The following MSH6 variants were observed in gnomAD, a reference collection of about 807,000 sequenced individuals.
MSH6 encodes the protein mutS homolog 6.
In MSH6, 85 loss-of-function variants were observed where a neutral mutation model predicts 119.1. The ratio of observed to expected loss-of-function variants is 0.71; its 90% CI spans 0.60 to 0.85. The LOEUF is 0.85. MSH6 is among the 40% of genes least tolerant of loss of function. The pLI is 0.00. For synonymous variants in MSH6, 830 were observed against 586.9 expected (o/e 1.41, Z -5.99); for missense variants, 2,163 against 1,655.3 (o/e 1.31, Z -5.32).
intron 1 of MSH6, among the ~76,000 whole-genome samples, chr2:47,788,832 A>C (rs1472305301): frequency 6.7e-6 from 1 of 148,770 alleles, no homozygotes; most frequent in East Asian, 2.0e-4. Context: ...TCGTCCTCCC[A>C]AAATGCTGGG....
At chr2:47,808,098 T>C (rs1341775500), downstream of MSH6, 1 of 1,591,554 alleles carries the variant, frequency 6.3e-7, no homozygotes, top group East Asian at 2.2e-5. Flanking sequence ...ATGGCAGGAC[T>C]TTTTCTTTAG....
At chr2:47,788,246 C>CTT (rs560110301) in intron 1 of MSH6, among the ~76,000 whole-genome samples, 951 of 90,016 alleles carry the variant, frequency 0.011, 124 homozygotes, top group African/African-American at 0.038. Flanking sequence ...TTCTTTCTTT[C>CTT]TTTTTTTTTT....
chr2:47,788,074 C>T (rs1204746192), intron 1 of MSH6, among the ~76,000 whole-genome samples: 1 of 152,056 alleles, frequency 6.6e-6, no homozygotes, highest in East Asian at 1.9e-4. Flanking sequence ...ATACATTTTA[C>T]TACCTGTTTA....
At position 47,806,166 on chromosome 2, in the gene MSH6, C is replaced by T. The variant is rs370910343; in HGVS notation, c.3647-38C>T. 3.6e-5 allele frequency: 57 copies of T among 1,582,782 alleles called. 1 individual carries two copies. Among genetic ancestry groups the T allele is most frequent in the East Asian group, 2.7e-4 (12 of 44,822 alleles). On this transcript the variant is annotated intron_variant, in intron 7 of 9. Coordinates refer to ENST00000234420, the MANE Select transcript of MSH6 (RefSeq NM_000179.3). ...TTTAATTCCTTTTTTGTTTTAATTC[C>T]TTTGAGTTACTTCCTTATGCATATT...
rs1197466116 is a variant in MSH6, at chr2:47,788,254, T to C, written c.261-2673T>C. Among the ~76,000 whole-genome samples, 53 of 86,676 alleles carry C rather than the reference T, an allele frequency of 6.1e-4. 1 individual carries two copies. The highest frequency in any genetic ancestry group is 6.0e-3 in the Middle Eastern group (1 of 168). The allele number at this position is 86,676 out of a possible 152,430, so 56.9% of individuals were successfully genotyped here. ...TCTTTCATTCTTTCTTTCTTTTTTT[T>C]TTTTTTTTTTTTTTTTTTGAGATGG... On this transcript the variant is annotated intron_variant, in intron 1 of 9. Transcript: ENST00000234420.
At position 47,800,734 on chromosome 2, in the gene MSH6, C is replaced by A. The variant is rs753967199; in HGVS notation, c.2751C>A (p.Asp917Glu). ...VELNRWDTAF[D>E]HEKARKTGLI... ...TGAACCGATGGGATACAGCCTTTGA[C>A]CATGAAAAGGCTCGAAAGACTGGAC... The change falls in exon 4 of 10, where the codon GAC becomes GAA. Residue 917 changes from aspartate to glutamate, a missense_variant. Transcript: ENST00000234420. 1 of 1,614,050 alleles carries A rather than the reference C, an allele frequency of 6.2e-7. No individual in the cohort carries two copies. Among genetic ancestry groups the A allele is most frequent in the Non-Finnish European group, 8.5e-7 (1 of 1,179,980 alleles).
chr2:47,798,914 A>G lies in MSH6; in HGVS notation c.931A>G (p.Lys311Glu), dbSNP rs1323987464. The G allele has an allele frequency of 6.2e-7, 1 of 1,614,164 alleles. No individual in the cohort carries two copies. The highest frequency in any genetic ancestry group is 8.5e-7 in the Non-Finnish European group (1 of 1,180,026). ...KRMVTGNGSL[K>E]RKSSRKETPS... ...AATGGTGACTGGAAATGGCTCTCTTAAAAGGAAAAGCTCTAGGAAGGAAAC... is the reference window on the plus strand; with the variant it reads ...AATGGTGACTGGAAATGGCTCTCTTGAAAGGAAAAGCTCTAGGAAGGAAAC... The change falls in exon 4 of 10, where the codon AAA (lysine) becomes GAA (glutamate). Residue 311 changes from lysine to glutamate, a missense_variant. Coordinates refer to ENST00000234420, the MANE Select transcript of MSH6 (RefSeq NM_000179.3).
At chr2:47,788,367 G>A (rs1668473613) in intron 1 of MSH6, among the ~76,000 whole-genome samples, 1 of 142,842 alleles carries the variant, frequency 7.0e-6, no homozygotes, top group African/African-American at 2.6e-5. Context: ...TGATTCTCCT[G>A]CTTCAGCCTC....
chr2:47,787,721 A>G (rs1225553142), intron 1 of MSH6, among the ~76,000 whole-genome samples: 2 of 152,100 alleles, frequency 1.3e-5, no homozygotes, highest in Admixed American at 6.6e-5. Context: ...GGCTCAAGTG[A>G]TCCTCCCACC....
In MSH6 at chr2:47,798,729, G is replaced by T. The variant is rs752135996; in HGVS notation, c.746G>T (p.Arg249Met). 6.2e-7 allele frequency: 1 copy of T among 1,614,108 alleles called. No individual in the cohort carries two copies. Among genetic ancestry groups the T allele is most frequent in the South Asian group, 1.1e-5 (1 of 91,082 alleles). ...AGTAGCCGCCAAATAAAAAAACGAA[G>T]GGTCATATCAGATTCTGAGAGTGAC... ...RRSSRQIKKR[R>M]VISDSESDIG... Residue 249 changes from arginine to methionine, a missense_variant, in exon 4 of 10, where the codon AGG becomes ATG. Physicochemically the swap from Arg to Met is moderately conservative, Grantham distance 91. Coordinates refer to ENST00000234420, the MANE Select transcript of MSH6 (RefSeq NM_000179.3).
intron 1 of MSH6, chr2:47,784,061 C>T (rs1043490273): frequency 4.5e-5 from 46 of 1,012,120 alleles, no homozygotes; most frequent in Non-Finnish European, 5.4e-5. Flanking sequence ...TAGTTAAGAG[C>T]CGCGGTCGCC....
At chr2:47,792,268 C>A (rs962489687) in intron 2 of MSH6, among the ~76,000 whole-genome samples, 1 of 152,138 alleles carries the variant, frequency 6.6e-6, no homozygotes, top group Non-Finnish European at 1.5e-5. Flanking sequence ...CAGTCTAGTA[C>A]GTTGTCGTAC....
rs1454019658 is a variant in MSH6 at position 47,806,436 on chromosome 2, A to G, written c.3802-16A>G. 6 of 1,613,740 alleles carry G rather than the reference A, an allele frequency of 3.7e-6. No individual in the cohort carries two copies. In the African/African-American group the frequency reaches 5.3e-5, roughly 14 times the overall value. On this transcript the variant is annotated splice_polypyrimidine_tract_variant and intron_variant, in intron 8 of 9. Coordinates refer to ENST00000234420, the MANE Select transcript of MSH6 (RefSeq NM_000179.3). ...TCTTGCTAGCACATGTATCGCTAAT[A>G]TTTTTCTTTCTTAAGGCATGCATGG...
intron 2 of MSH6, among the ~76,000 whole-genome samples, chr2:47,793,325 A>C (rs1225908122): frequency 1.6e-5 from 2 of 124,230 alleles, no homozygotes; most frequent in African/African-American, 3.2e-5. Flanking sequence ...TCTCAAAAAA[A>C]AAAAAAAAAA....
rs147453999 is a variant in MSH6, at chr2:47,806,284, A to T, written c.3727A>T (p.Thr1243Ser). ...KELAETIKCR[T>S]LFSTHYHSLV... ...ACTTGCTGAGACTATAAAATGTCGT[A>T]CATTATTTTCAACTCACTACCATTC... Residue 1243 changes from threonine to serine, a missense_variant, in exon 8 of 10, where the codon ACA (threonine) becomes TCA (serine). Transcript: ENST00000234420. The T allele has an allele frequency of 1.7e-4, 267 of 1,614,088 alleles. 2 individuals are homozygous for T. Among genetic ancestry groups the T allele is most frequent in the South Asian group, 1.3e-3 (119 of 91,072 alleles).
intron 7 of MSH6, 61 bp from the exon 8 acceptor site, chr2:47,806,143 T>C (rs1259447776): frequency 8.0e-7 from 1 of 1,254,368 alleles, no homozygotes; most frequent in East Asian, 2.3e-5. Flanking sequence ...ATTTTTGTTT[T>C]AATTCCTTTT....
intron 1 of MSH6, among the ~76,000 whole-genome samples, chr2:47,788,271 T>TTG (rs1351490158): frequency 8.4e-6 from 1 of 119,636 alleles, no homozygotes; most frequent in East Asian, 2.5e-4. Context: ...TTTTTTTTTT[T>TTG]TGAGATGGAG....
rs2104223224 is a variant in MSH6 at position 47,795,791 on chromosome 2, G to A, written c.458-103G>A. ...TGGCATATATATATTTTAAGATAGA[G>A]ATGGGGTTTGCTATGTTGCCCAGGC... On this transcript the variant is annotated intron_variant, in intron 2 of 9. Transcript: ENST00000234420. The A allele has an allele frequency of 3.1e-6, 3 of 952,864 alleles. No homozygotes were observed. In the East Asian group the frequency reaches 7.9e-5, roughly 25 times the overall value. 59.0% of individuals were successfully genotyped at this position (952,864 alleles called of 1,614,324 possible).
intron 1 of MSH6, chr2:47,783,878 CGCCCGGCCCACTTG>C: frequency 1.0e-6 from 1 of 961,396 alleles, no homozygotes; most frequent in Non-Finnish European, 1.2e-6. Flanking sequence ...AAGGGGAAGG[CGCCCGGCCCACTTG>C]GTGGGCGGGG....
Sources: gnomAD v4.1 joint callset for allele counts (sites outside exome capture counted in the v4.1 genomes callset) on GRCh38, gnomAD v4.1.1 for gene constraint, MANE v1.5 for transcripts, NCBI Gene and HGNC (gene_info 2026-07-23, HGNC 2026-07-21) for gene names.